The following PAPPA2 variants were observed in gnomAD, a reference collection of about 807,000 sequenced individuals.
PAPPA2 encodes the protein pappalysin-2.
In PAPPA2, 86 loss-of-function variants were observed where a neutral mutation model predicts 176.4. The ratio of observed to expected loss-of-function variants is 0.49; its 90% CI spans 0.41 to 0.58. The LOEUF (loss-of-function observed/expected upper bound fraction) is 0.58. PAPPA2 is among the 20% of genes least tolerant of loss of function. The pLI is 0.00. For missense variants in PAPPA2, 2,073 were observed against 2,256.9 expected, an observed-to-expected ratio of 0.92 and a Z score of 1.65; for synonymous variants, 809 against 852.2, an observed-to-expected ratio of 0.95 and a Z score of 0.88.
intron 12 of PAPPA2, among the ~76,000 whole-genome samples, chr1:176,718,379 A>C (rs1170544756): frequency 6.6e-6 from 1 of 151,986 alleles, no homozygotes; most frequent in Non-Finnish European, 1.5e-5. Flanking sequence ...TAATCTTTTT[A>C]TATGACCAAC....
chr1:176,564,622 T>A (rs1488372861), intron 2 of PAPPA2, among the ~76,000 whole-genome samples: 1 of 152,174 alleles, frequency 6.6e-6, no homozygotes, highest in Non-Finnish European at 1.5e-5. Context: ...TTTGTTCAAG[T>A]ATAAACAGAA....
chr1:176,709,524 A>C (rs530572823), intron 10 of PAPPA2, among the ~76,000 whole-genome samples: 54 of 152,150 alleles, frequency 3.5e-4, no homozygotes, highest in African/African-American at 1.2e-3. Context: ...TTGAGAACAA[A>C]CCCCCCGTGA....
At chr1:176,828,498 A>G (rs1251435144) in intron 21 of PAPPA2, among the ~76,000 whole-genome samples, 1 of 150,954 alleles carries the variant, frequency 6.6e-6, no homozygotes, top group Admixed American at 6.6e-5. Flanking sequence ...TAGATTATAT[A>G]TTATTAATTA....
chr1:176,780,208 T>C (rs888187648), intron 17 of PAPPA2, among the ~76,000 whole-genome samples: 8 of 152,156 alleles, frequency 5.3e-5, no homozygotes, highest in Admixed American at 3.9e-4. Context: ...TGTGAGCACT[T>C]TCAATCACGC....
At chr1:176,726,066 C>T (rs1056627485) in intron 12 of PAPPA2, among the ~76,000 whole-genome samples, 12 of 152,344 alleles carry the variant, frequency 7.9e-5, no homozygotes, top group Middle Eastern at 3.4e-3. Context: ...AGGCGTGAGC[C>T]ACCGCGCCCG....
chr1:176,697,627 T>C (rs1046209644), intron 7 of PAPPA2, among the ~76,000 whole-genome samples: 5 of 152,202 alleles, frequency 3.3e-5, no homozygotes, highest in African/African-American at 9.6e-5. Flanking sequence ...ACATATTCCC[T>C]GCTTAAACAT....
intron 1 of PAPPA2, among the ~76,000 whole-genome samples, chr1:176,499,944 G>A (rs963871162): frequency 6.6e-6 from 1 of 152,114 alleles, no homozygotes; most frequent in Non-Finnish European, 1.5e-5. Context: ...GTATTAGGAG[G>A]TCATCATGTT....
At chr1:176,770,006 T>C (rs1296923327) in intron 16 of PAPPA2, among the ~76,000 whole-genome samples, 1 of 152,246 alleles carries the variant, frequency 6.6e-6, no homozygotes, top group Admixed American at 6.5e-5. Flanking sequence ...GAAGGAATCT[T>C]AGACTTTCCT....
rs1032299978 is a variant in PAPPA2 at position 176,837,490 on chromosome 1, A to C, written c.5203-2683A>C. On this transcript the variant is annotated intron_variant, in intron 21 of 22. Coordinates refer to ENST00000367662, the MANE Select transcript of PAPPA2 (RefSeq NM_020318.3). ...TGTTGTTAAAAGGCAAAAAAAAAAA[A>C]AAAAAAAAACGGGTGTTTTATAAAG... 4.6e-5 allele frequency among the ~76,000 whole-genome samples: 7 copies of C among 152,054 alleles called. No homozygotes were observed. In the East Asian group the frequency reaches 5.9e-4, roughly 13 times the overall value.
chr1:176,676,304 A>G (rs1300760266), intron 4 of PAPPA2, among the ~76,000 whole-genome samples: 2 of 152,220 alleles, frequency 1.3e-5, no homozygotes, highest in Non-Finnish European at 1.5e-5. Flanking sequence ...GCAGCTTTCT[A>G]TTTTCTATAT....
At chr1:176,497,596 T>G (rs770002241) in intron 1 of PAPPA2, among the ~76,000 whole-genome samples, 1 of 152,152 alleles carries the variant, frequency 6.6e-6, no homozygotes, top group Non-Finnish European at 1.5e-5. Flanking sequence ...AATTGAGAGT[T>G]TTCACACAAA....
chr1:176,692,901 GGGA>G (rs1044379186), intron 6 of PAPPA2, among the ~76,000 whole-genome samples: 2 of 152,140 alleles, frequency 1.3e-5, no homozygotes, highest in African/African-American at 4.8e-5. Context: ...CAACTACTGG[GGGA>G]GGCAGGATGA....
chr1:176,585,044 GT>G (rs1211537492), intron 2 of PAPPA2, among the ~76,000 whole-genome samples: 1 of 152,024 alleles, frequency 6.6e-6, no homozygotes, highest in East Asian at 1.9e-4. Flanking sequence ...GGCCTGATTT[GT>G]TTCTTTTTTG....
intron 3 of PAPPA2, among the ~76,000 whole-genome samples, chr1:176,663,754 GTTC>G (rs1658475543): frequency 6.6e-6 from 1 of 152,106 alleles, no homozygotes; most frequent in African/African-American, 2.4e-5. Flanking sequence ...TAGAAACTAA[GTTC>G]TTCTGGTCTG....
At chr1:176,821,013 G>A (rs989002067) in intron 21 of PAPPA2, among the ~76,000 whole-genome samples, 2 of 152,124 alleles carry the variant, frequency 1.3e-5, no homozygotes, top group African/African-American at 4.8e-5. Context: ...CCATTTTTCA[G>A]TCTAAAAGTC....
At position 176,661,719 on chromosome 1, in the gene PAPPA2, A is replaced by G. The variant is rs529875749; in HGVS notation, c.1992-9251A>G. 1.6e-4 allele frequency among the ~76,000 whole-genome samples: 25 copies of G among 152,096 alleles called. 1 individual carries two copies. The South Asian group carries it at 5.0e-3, about 30-fold the overall frequency. On this transcript the variant is annotated intron_variant, in intron 3 of 22. Transcript: ENST00000367662. The stretch of plus-strand genomic sequence containing the variant: ...AACTCTAACATGAAGAACACAACTG[A>G]TCGTAGACTGTAAATCTCATCCAAA...
At chr1:176,622,918 G>T (rs1343129099) in intron 3 of PAPPA2, among the ~76,000 whole-genome samples, 1 of 152,156 alleles carries the variant, frequency 6.6e-6, no homozygotes, top group Non-Finnish European at 1.5e-5. Context: ...TCAGTGTCTG[G>T]TGAGGACCTT....
chr1:176,543,468 CTTCTGTT>C (rs1650469148), intron 1 of PAPPA2, among the ~76,000 whole-genome samples: 1 of 152,060 alleles, frequency 6.6e-6, no homozygotes, highest in Non-Finnish European at 1.5e-5. Context: ...CACCTGGCCT[CTTCTGTT>C]TGGTCACTTT....
chr1:176,739,905 A>G lies in PAPPA2; in HGVS notation c.3935-75A>G, dbSNP rs1662595258. The G allele has an allele frequency of 3.8e-6, 6 of 1,580,232 alleles. No individual in the cohort carries two copies. In the Admixed American group the frequency reaches 1.0e-4, roughly 27 times the overall value. On this transcript the variant is annotated intron_variant, in intron 13 of 22. Transcript: ENST00000367662. ...TTGGCATCATACACCTATTAAGAGG[A>G]TAAAATGAATACAAGATATGGAAAC...
Sources: gnomAD v4.1 joint callset for allele counts (sites outside exome capture counted in the v4.1 genomes callset) on GRCh38, gnomAD v4.1.1 for gene constraint, MANE v1.5 for transcripts, NCBI Gene and HGNC (gene_info 2026-07-23, HGNC 2026-07-21) for gene names.